RUNX1T1: variants seen among roughly 807,000 people sequenced by gnomAD.
RUNX1T1 encodes protein CBFA2T1.
Under a neutral mutation model 62.8 loss-of-function variants are expected in RUNX1T1, and 4 were observed. The observed-to-expected ratio is 0.06, with a 90% CI of 0.03 to 0.15. The LOEUF (loss-of-function observed/expected upper bound fraction) is 0.15, where lower values mean the gene tolerates loss of function less well. Among genes scored for constraint, RUNX1T1 ranks in the 10% least tolerant of loss-of-function variants. RUNX1T1 has a pLI of 1.00. For synonymous variants in RUNX1T1, 291 were observed against 286.0 expected (o/e 1.02, Z -0.18); for missense variants, 508 against 754.3 (o/e 0.67, Z 3.82).
chr8:92,095,279 G>T, intron 1 of RUNX1T1: 2 of 1,515,230 alleles, frequency 1.3e-6, no homozygotes, highest in Non-Finnish European at 1.8e-6. Flanking sequence ...GCCTCCCCAC[G>T]CCCCCCTTCC....
intron 1 of RUNX1T1, among the ~76,000 whole-genome samples, chr8:92,020,571 C>G (rs1000501564): frequency 7.2e-5 from 11 of 152,172 alleles, no homozygotes; most frequent in African/African-American, 2.4e-4. Flanking sequence ...AAACCTCCAT[C>G]AGATCATGTA....
upstream of RUNX1T1, among the ~76,000 whole-genome samples, chr8:92,101,706 T>G (rs928935258): frequency 6.6e-6 from 1 of 152,122 alleles, no homozygotes; most frequent in Non-Finnish European, 1.5e-5. Flanking sequence ...CCCGGAATCA[T>G]AGTACTCAAA....
upstream of RUNX1T1, among the ~76,000 whole-genome samples, chr8:92,067,284 C>T (rs891440061): frequency 6.6e-6 from 1 of 152,160 alleles, no homozygotes; most frequent in African/African-American, 2.4e-5. Flanking sequence ...AGACAAAGCA[C>T]TATAGAACAC....
At chr8:92,078,863 T>G (rs2130799305) in intron 1 of RUNX1T1, among the ~76,000 whole-genome samples, 1 of 152,354 alleles carries the variant, frequency 6.6e-6, no homozygotes, top group Admixed American at 6.5e-5. Context: ...GCGCAATGTA[T>G]TTATTTTCTA....
intron 3 of RUNX1T1, among the ~76,000 whole-genome samples, chr8:92,013,943 T>TG (rs1822488750): frequency 6.6e-6 from 1 of 152,170 alleles, no homozygotes; most frequent in South Asian, 2.1e-4. Context: ...GTTCTGGAGA[T>TG]GGACAGTGGT....
intron 4 of RUNX1T1, 54 bp from the exon 6 acceptor site, chr8:92,005,351 G>T: frequency 6.6e-7 from 1 of 1,513,690 alleles, no homozygotes; most frequent in Non-Finnish European, 9.0e-7. Flanking sequence ...CTTCTGTCCT[G>T]TTGACTTACT....
chr8:92,088,288 G>C (rs1836440907), intron 1 of RUNX1T1, among the ~76,000 whole-genome samples: 1 of 152,162 alleles, frequency 6.6e-6, no homozygotes, highest in Non-Finnish European at 1.5e-5. Flanking sequence ...GCTCATCACT[G>C]TGTACATAAC....
chr8:92,062,537 C>T, intron 1 of RUNX1T1: 1 of 1,613,850 alleles, frequency 6.2e-7, no homozygotes, highest in Non-Finnish European at 8.5e-7. Flanking sequence ...CAGAACAGGG[C>T]TAACTCACCA....
chr8:92,094,112 C>CA (rs1047514174), intron 1 of RUNX1T1, among the ~76,000 whole-genome samples: 2 of 152,128 alleles, frequency 1.3e-5, no homozygotes, highest in Non-Finnish European at 2.9e-5. Flanking sequence ...CTCACTGAGG[C>CA]AACAGCAAAC....
intron 10 of RUNX1T1, among the ~76,000 whole-genome samples, chr8:91,969,970 G>A (rs1230760303): frequency 1.3e-5 from 2 of 151,270 alleles, no homozygotes; most frequent in East Asian, 3.9e-4. Context: ...CATGTTGTTA[G>A]ATATTGTGTT....
exon 2 of RUNX1T1, chr8:92,017,325 C>T (rs1352793051): frequency 1.2e-6 from 2 of 1,614,004 alleles, no homozygotes; most frequent in East Asian, 4.5e-5. Context: ...TTCACATCCA[C>T]AGGTGAGTCT....
At chr8:92,037,685 T>A (rs1431748331) in intron 1 of RUNX1T1, among the ~76,000 whole-genome samples, 1 of 151,652 alleles carries the variant, frequency 6.6e-6, no homozygotes, top group Non-Finnish European at 1.5e-5. Context: ...TCAAAAAAAA[T>A]AAATTTAAAA....
At chr8:92,059,340 T>C (rs949694172) in intron 1 of RUNX1T1, among the ~76,000 whole-genome samples, 1 of 152,176 alleles carries the variant, frequency 6.6e-6, no homozygotes, top group Non-Finnish European at 1.5e-5. Flanking sequence ...TCCAAGTGCA[T>C]TATCCAAATG....
intron 3 of RUNX1T1, among the ~76,000 whole-genome samples, chr8:92,011,928 C>T (rs1822017192): frequency 6.6e-6 from 1 of 152,142 alleles, no homozygotes; most frequent in Non-Finnish European, 1.5e-5. Context: ...ACCCTCATTT[C>T]ATTCGTTTTC....
At chr8:91,971,052 C>CT (rs895338850) in intron 9 of RUNX1T1, 8 of 420,964 alleles carry the variant, frequency 1.9e-5, no homozygotes, top group Non-Finnish European at 3.3e-5. Flanking sequence ...TATCTGATTA[C>CT]TTTTTTGTAG....
At chr8:91,964,679 T>A (rs1441273927) in intron 10 of RUNX1T1, among the ~76,000 whole-genome samples, 1 of 152,190 alleles carries the variant, frequency 6.6e-6, no homozygotes, top group Non-Finnish European at 1.5e-5. Context: ...GATTACAAAT[T>A]AAAAATATTC....
intron 5 of RUNX1T1, among the ~76,000 whole-genome samples, chr8:92,002,841 G>A (rs1012125930): frequency 6.6e-6 from 1 of 152,000 alleles, no homozygotes; most frequent in Non-Finnish European, 1.5e-5. Flanking sequence ...AGTAGATCTG[G>A]ATATACAGAT....
intron 1 of RUNX1T1, among the ~76,000 whole-genome samples, chr8:92,060,545 A>ATGTGTG (rs1317671685): frequency 5.8e-5 from 6 of 103,742 alleles, no homozygotes; most frequent in African/African-American, 1.4e-4. Context: ...ATATATATAT[A>ATGTGTG]TATATATATG....
chr8:92,017,479 T>C (rs1466351976), intron 1 of RUNX1T1, 116 bp from the exon 3 acceptor site: 1 of 1,563,596 alleles, frequency 6.4e-7, no homozygotes, highest in African/African-American at 1.4e-5. Context: ...CTTCTATCAA[T>C]AAAATACACT....
Sources: gnomAD v4.1 joint callset for allele counts (sites outside exome capture counted in the v4.1 genomes callset) on GRCh38, gnomAD v4.1.1 for gene constraint, MANE v1.5 for transcripts, NCBI Gene and HGNC (gene_info 2026-07-23, HGNC 2026-07-21) for gene names.